The following SPEG variants were observed in gnomAD, a reference collection of about 807,000 sequenced individuals.
SPEG encodes the protein striated muscle enriched protein kinase, also known as striated muscle preferentially expressed protein kinase.
In SPEG, 114 loss-of-function variants were observed where a neutral mutation model predicts 300.4. The observed-to-expected ratio is 0.38, with a 90% confidence interval of 0.33 to 0.44. SPEG has a LOEUF of 0.44. Among genes scored for constraint, SPEG ranks in the 20% least tolerant of loss-of-function variants. SPEG has a pLI of 1.00. For synonymous variants in SPEG, 1,964 were observed against 2,018.9 expected (o/e 0.97, Z 0.73); for missense variants, 4,201 against 4,586.2 (o/e 0.92, Z 2.43).
In SPEG at chr2:219,434,959, A is replaced by G. The variant is rs751805649; in HGVS notation, c.-19A>G. 774 of 1,492,550 alleles carry G rather than the reference A, an allele frequency of 5.2e-4. 2 individuals carry two copies. The highest frequency in any genetic ancestry group is 6.6e-4 in the Non-Finnish European group (745 of 1,129,266). The allele number at this position is 1,492,550 out of a possible 1,614,324, so 92.5% of individuals were successfully genotyped here. A position where few individuals can be genotyped will look rare whatever the true frequency, so the allele number is the denominator to read the frequency against. ...GGCCGCCCAGTTCCGGCGTCCCCCC[A>G]GCCCAGCTCTCAGTGGCCATGCAGA... On this transcript the variant is annotated 5_prime_UTR_variant, in exon 1 of 41. Transcript: ENST00000312358.
intron 6 of SPEG, chr2:219,460,774 T>A (rs1690608093): frequency 1.0e-6 from 1 of 985,386 alleles, no homozygotes; most frequent in Non-Finnish European, 1.2e-6. Context: ...TCCAACCTCC[T>A]CCTTCCCCTC....
At position 219,448,981 on chromosome 2, in the gene SPEG, G is replaced by T; in HGVS notation, c.1823G>T (p.Arg608Met). 6.6e-7 allele frequency: 1 copy of T among 1,505,736 alleles called. No homozygotes were observed. 93.3% of individuals were successfully genotyped at this position (1,505,736 alleles called of 1,614,324 possible). The change falls in exon 4 of 41, where the codon AGG becomes ATG. Residue 608 changes from arginine (R) to methionine (M), a missense_variant. Physicochemically the swap from Arg to Met is moderately conservative, Grantham distance 91. This residue lies in a region of SPEG where 1,258 missense variants were observed against 1,293.9 expected (regional missense o/e 0.97). Coordinates refer to ENST00000312358, the MANE Select transcript of SPEG (RefSeq NM_005876.5). ...LTRSRAIQEC[R>M]SPVPPPAADP... Reference sequence around the variant, plus strand: ...CGGAGCAGAGCCATCCAGGAGTGCAGGAGCCCTGTGCCGCCCCCCGCCGCC... The same window carrying T: ...CGGAGCAGAGCCATCCAGGAGTGCATGAGCCCTGTGCCGCCCCCCGCCGCC...
rs1689535210 is a variant in SPEG at position 219,449,021 on chromosome 2, C to G, written c.1863C>G (p.Ala621=). Residue 621 remains alanine (A), a synonymous_variant, in exon 4 of 41, where the codon GCC becomes GCG. Coordinates refer to ENST00000312358, the MANE Select transcript of SPEG (RefSeq NM_005876.5). Reference sequence around the variant, plus strand: ...CCCCCGCCGCCGATCCCCCAGAGGCCAGGACGAAAGCACCCCCCGGTCGGA... The same window carrying G: ...CCCCCGCCGCCGATCCCCCAGAGGCGAGGACGAAAGCACCCCCCGGTCGGA... ...VPPPAADPPE[A]RTKAPPGRKR... The G allele has an allele frequency of 1.5e-5, 23 of 1,518,698 alleles. No homozygotes were observed. The highest frequency in any genetic ancestry group is 2.0e-5 in the Non-Finnish European group (23 of 1,133,530). The allele number at this position is 1,518,698 out of a possible 1,614,324, so 94.1% of individuals were successfully genotyped here.
intron 15 of SPEG, among the ~76,000 whole-genome samples, chr2:219,472,644 C>T (rs927382644): frequency 1.3e-5 from 2 of 152,162 alleles, no homozygotes; most frequent in Non-Finnish European, 2.9e-5. Context: ...TTCCCTACCT[C>T]AGGTATCAAG....
At position 219,472,453 on chromosome 2, in the gene SPEG, C is replaced by G. The variant is rs561177266; in HGVS notation, c.3940+122C>G. 3 of 822,256 alleles carry G rather than the reference C, an allele frequency of 3.6e-6. No homozygotes were observed. In the African/African-American group the frequency reaches 5.1e-5, roughly 14 times the overall value. The allele number at this position is 822,256 out of a possible 1,614,324, so 50.9% of individuals were successfully genotyped here. Reference sequence around the variant, plus strand: ...GGCAGGGGCAGGAGCTGATGGAATGCTGGTGGGACCAGCTTTGCCCGTCTT... The same window carrying G: ...GGCAGGGGCAGGAGCTGATGGAATGGTGGTGGGACCAGCTTTGCCCGTCTT... On this transcript the variant is annotated intron_variant, in intron 15 of 40. Coordinates refer to ENST00000312358, the MANE Select transcript of SPEG (RefSeq NM_005876.5).
intron 6 of SPEG, among the ~76,000 whole-genome samples, chr2:219,456,391 G>A (rs1174443594): frequency 6.6e-6 from 1 of 152,190 alleles, no homozygotes; most frequent in African/African-American, 2.4e-5. Flanking sequence ...TGGGGGTTTG[G>A]ACAACACCAG....
Position 219,459,923 on chromosome 2 carries a change from GC to G in SPEG, c.2441-1955del, listed in dbSNP as rs1328166754. Among the ~76,000 whole-genome samples the G allele has an allele frequency of 5.3e-5, 8 of 152,330 alleles. No individual in the cohort carries two copies. The highest frequency in any genetic ancestry group is 1.9e-4 in the African/African-American group (8 of 41,584). On this transcript the variant is annotated intron_variant, in intron 6 of 40. Transcript: ENST00000312358. The surrounding 1 kb of genome is among the most constrained non-coding windows in gnomAD (Gnocchi z 4.9). ...ACACAGGTCATGGCTTGGGAATGTG[GC>G]CCCGGGTTGCGGGGTGAGGTGATAG...
At position 219,482,832 on chromosome 2, in the gene SPEG, C is replaced by G. The variant is rs1387791166; in HGVS notation, c.5614C>G (p.Leu1872Val). Residue 1872 changes from leucine (L) to valine (V), a missense_variant, in exon 29 of 41, where the codon CTC becomes GTC. Physicochemically the swap from Leu to Val is conservative, Grantham distance 32. This residue lies in a region of SPEG where 1,578 missense variants were observed against 1,506.0 expected (regional missense o/e 1.05). Coordinates refer to ENST00000312358, the MANE Select transcript of SPEG (RefSeq NM_005876.5). Reference protein sequence around the residue: ...EVSTDHLKLFLSRRRWQRSQI... With the variant: ...EVSTDHLKLFVSRRRWQRSQI... The stretch of plus-strand genomic sequence containing the variant: ...GAGCACGGATCACCTGAAGCTATTC[C>G]TCTCCCGGCGGAGGTGGCAGGTAAG... 3 of 1,613,926 alleles carry G rather than the reference C, an allele frequency of 1.9e-6. No individual in the cohort carries two copies. In the East Asian group the frequency reaches 6.7e-5, roughly 36 times the overall value.
chr2:219,461,338 GA>G, intron 6 of SPEG: 1 of 988,202 alleles, frequency 1.0e-6, no homozygotes, highest in Non-Finnish European at 1.2e-6. Context: ...GCTGAGAAGG[GA>G]AAGGGGGAGG....
chr2:219,469,433 G>A (rs1362195685), intron 13 of SPEG, 54 bp downstream of exon 13: 4 of 1,376,114 alleles, frequency 2.9e-6, no homozygotes, highest in Non-Finnish European at 4.1e-6. Context: ...CACTTGGCTT[G>A]CAATGCCCTG....
At position 219,484,162 on chromosome 2, in the gene SPEG, G is replaced by C; in HGVS notation, c.6699G>C (p.Gln2233His). 1.2e-6 allele frequency: 2 copies of C among 1,613,564 alleles called. No individual in the cohort carries two copies. The highest frequency in any genetic ancestry group is 1.7e-6 in the Non-Finnish European group (2 of 1,179,954). ...VRASKPAPPP[Q>H]ALQTLALPLT... ...CCTCCAAGCCTGCACCACCCCCCCA[G>C]GCCCTGCAAACCCTAGCGCTGCCCC... is the stretch of plus-strand genomic sequence containing the variant. Residue 2233 changes from glutamine to histidine, a missense_variant, in exon 30 of 41, where the codon CAG becomes CAC. This residue lies in a region of SPEG where 1,578 missense variants were observed against 1,506.0 expected (regional missense o/e 1.05). Transcript: ENST00000312358.
intron 13 of SPEG, among the ~76,000 whole-genome samples, chr2:219,471,505 A>G (rs1425197108): frequency 2.6e-5 from 4 of 152,122 alleles, no homozygotes; most frequent in African/African-American, 9.7e-5. Flanking sequence ...GAGTTTTGAC[A>G]TAGAGGTTGT....
chr2:219,460,135 C>G (rs1690532816), intron 6 of SPEG, among the ~76,000 whole-genome samples: 1 of 152,354 alleles, frequency 6.6e-6, no homozygotes, highest in Non-Finnish European at 1.5e-5. Context: ...AACAGGTGCC[C>G]TGGCGGTTTG....
chr2:219,436,814 G>A (rs1002793398), intron 1 of SPEG, among the ~76,000 whole-genome samples: 17 of 152,202 alleles, frequency 1.1e-4, no homozygotes, highest in Non-Finnish European at 2.4e-4. Context: ...AGCAGACTTC[G>A]GAGCTGGGGA....
Position 219,468,718 on chromosome 2 carries a change from G to A in SPEG, c.3283G>A (p.Val1095Ile). The A allele has an allele frequency of 8.7e-6, 14 of 1,614,138 alleles. No individual in the cohort carries two copies. Among genetic ancestry groups the A allele is most frequent in the Non-Finnish European group, 1.0e-5 (12 of 1,180,000 alleles). Residue 1095 changes from valine to isoleucine, a missense_variant, in exon 11 of 41, where the codon GTT becomes ATT. By Grantham distance (29) the Val-to-Ile change is conservative. Around this residue, in one of 4 missense-constraint regions of SPEG, gnomAD observed 1,047 missense variants for 1,356.8 expected, o/e 0.77. Transcript: ENST00000312358. The part of the protein sequence containing the change: ...CKISGTPPPV[V>I]TWTHFGCPME... ...GATCAGTGGCACCCCGCCCCCTGTTGTTACCTGGACTCATTTTGGTACGGC... is the reference window on the plus strand; with the variant it reads ...GATCAGTGGCACCCCGCCCCCTGTTATTACCTGGACTCATTTTGGTACGGC...
chr2:219,487,747 C>G (rs1693574765), intron 31 of SPEG, among the ~76,000 whole-genome samples: 1 of 152,242 alleles, frequency 6.6e-6, no homozygotes, highest in Admixed American at 6.5e-5. Flanking sequence ...TTGGTCCCAT[C>G]TCAGCTCGGG....
chr2:219,492,636 G>A lies in SPEG; in HGVS notation c.9654G>A (p.Leu3218=), dbSNP rs757089891. The A allele has an allele frequency of 1.2e-6, 2 of 1,611,296 alleles. No homozygotes were observed. The highest frequency in any genetic ancestry group is 1.7e-6 in the Non-Finnish European group (2 of 1,180,018). The change falls in exon 41 of 41, where the codon TTG becomes TTA. Residue 3218 remains leucine (L), a synonymous_variant. Transcript: ENST00000312358. ...SLQDCLAHPW[L]QDAYLMKLRR... ...AGGACTGCCTGGCCCACCCATGGTT[G>A]CAGGACGCCTACCTGATGAAGCTGC... is the stretch of plus-strand genomic sequence containing the variant.
At chr2:219,460,382 G>A (rs1690560960) in intron 6 of SPEG, 3 of 985,346 alleles carry the variant, frequency 3.0e-6, no homozygotes, top group African/African-American at 3.5e-5. Context: ...GGATCTTGGT[G>A]GTTCCGTCAG....
chr2:219,488,216 C>T lies in SPEG; in HGVS notation c.7764C>T (p.Ile2588=). 6.2e-7 allele frequency: 1 copy of T among 1,613,328 alleles called. No homozygotes were observed. Among genetic ancestry groups the T allele is most frequent in the Non-Finnish European group, 8.5e-7 (1 of 1,179,602 alleles). The part of the protein sequence containing the change: ...SESDFPPVFH[I]KLKDQVLLEG... ...CAGACTTCCCCCCAGTCTTCCACAT[C>T]AAACTCAAGGACCAGGTGCTGCTGG... The change falls in exon 32 of 41, where the codon ATC becomes ATT. Residue 2588 remains isoleucine (I), a synonymous_variant. Transcript: ENST00000312358.
Sources: allele counts gnomAD v4.1 joint callset (sites outside exome capture counted in the v4.1 genomes callset), GRCh38; gene constraint gnomAD v4.1.1; regional missense constraint gnomAD v4.1.1; non-coding constraint Gnocchi (gnomAD v3.1); transcripts MANE v1.5; gene names NCBI Gene and HGNC (gene_info 2026-07-23, HGNC 2026-07-21).